NEK5: variants seen among roughly 807,000 people sequenced by gnomAD.
The protein encoded by NEK5 is NIMA related kinase 5.
Under a neutral mutation model 109.2 loss-of-function variants are expected in NEK5, and 88 were observed. The observed-to-expected ratio is 0.81, with a 90% CI of 0.68 to 0.96. The LOEUF (loss-of-function observed/expected upper bound fraction) is 0.96, where lower values mean the gene tolerates loss of function less well. Among genes scored for constraint, NEK5 ranks in the 40% least tolerant of loss-of-function variants. The pLI is 0.00. For synonymous variants in NEK5, 283 were observed against 299.9 expected, an observed-to-expected ratio of 0.94 and a Z score of 0.58; for missense variants, 834 against 920.7, an observed-to-expected ratio of 0.91 and a Z score of 1.22.
At position 52,112,322 on chromosome 13, in the gene NEK5, C is replaced by A; in HGVS notation, c.258G>T (p.Gly86=). The change falls in exon 5 of 24, where the codon GGG becomes GGT. Residue 86 remains glycine, a synonymous_variant. Transcript: ENST00000684899. The part of the protein sequence containing the change: ...LFIVMEYCDG[G]DLMKRINRQR... Reference sequence around the variant, plus strand: ...GTCTATTGATCCTTTTCATGAGATCCCCTCCATCACAATATTCCATTACAA... The same window carrying A: ...GTCTATTGATCCTTTTCATGAGATCACCTCCATCACAATATTCCATTACAA... The A allele has an allele frequency of 6.2e-7, 1 of 1,611,010 alleles. No individual in the cohort carries two copies. The highest frequency in any genetic ancestry group is 1.1e-5 in the South Asian group (1 of 90,906).
chr13:52,086,596 A>G (rs1441045086), intron 15 of NEK5, among the ~76,000 whole-genome samples: 3 of 152,192 alleles, frequency 2.0e-5, no homozygotes, highest in African/African-American at 7.2e-5. Context: ...TGTGTTCATG[A>G]TGTACACTTA....
At position 52,127,443 on chromosome 13, in the gene NEK5, C is replaced by G. The variant is rs1285036579; in HGVS notation, c.40G>C (p.Ala14Pro). Residue 14 changes from alanine (A) to proline (P), a missense_variant, in exon 3 of 24, where the codon GCC becomes CCC. Transcript: ENST00000684899. ...YDVIKAIGQGAFGKAYLAKGK... is the reference protein window; with the variant it reads ...YDVIKAIGQGPFGKAYLAKGK... ...TTAGCTAAGTATGCTTTCCCGAAGG[C>G]ACCTTGCCCGATGGCCTTAATCACA... 1 of 1,612,806 alleles carries G rather than the reference C, an allele frequency of 6.2e-7. No individual in the cohort carries two copies.
chr13:52,060,197 AT>A lies in NEK5; in HGVS notation c.2110+1621del, dbSNP rs1341623361. ...GGCTTCATACTTCAGAGAAACAAAG[AT>A]ACTTAGATGTGTTAATAAAATGTCC... On this transcript the variant is annotated intron_variant, in intron 22 of 23. Coordinates refer to ENST00000684899, the MANE Select transcript of NEK5 (RefSeq NM_001365552.1). 3.9e-5 allele frequency among the ~76,000 whole-genome samples: 6 copies of A among 152,138 alleles called. No homozygotes were observed. The South Asian group carries it at 1.0e-3, about 26-fold the overall frequency.
intron 13 of NEK5, among the ~76,000 whole-genome samples, chr13:52,092,475 A>G (rs1955307010): frequency 6.6e-6 from 1 of 152,150 alleles, no homozygotes. Context: ...CTGTAGTCCC[A>G]GCACTTTAGG....
At chr13:52,113,820 G>A (rs953547254) in intron 4 of NEK5, among the ~76,000 whole-genome samples, 2 of 152,094 alleles carry the variant, frequency 1.3e-5, no homozygotes, top group Non-Finnish European at 2.9e-5. Context: ...TCATGAGGGT[G>A]GAGCCCACAT....
At chr13:52,055,116 A>G (rs1954542725) in intron 22 of NEK5, among the ~76,000 whole-genome samples, 1 of 152,108 alleles carries the variant, frequency 6.6e-6, no homozygotes, top group Admixed American at 6.5e-5. Context: ...GAGCTGATGG[A>G]GCTGAAAACC....
At chr13:52,109,490 C>CT (rs1265136669) in intron 7 of NEK5, among the ~76,000 whole-genome samples, 1 of 152,082 alleles carries the variant, frequency 6.6e-6, no homozygotes, top group Non-Finnish European at 1.5e-5. Flanking sequence ...TGAAATAGTC[C>CT]TGCAAAGGTA....
At position 52,099,727 on chromosome 13, in the gene NEK5, G is replaced by A; in HGVS notation, c.1026+16C>T. On this transcript the variant is annotated intron_variant, in intron 12 of 23. Coordinates refer to ENST00000684899, the MANE Select transcript of NEK5 (RefSeq NM_001365552.1). ...CCATAGCTAAAAAACACAAAGGAGG[G>A]TTTAGAATGACTTACAGATCTGGCC... The A allele has an allele frequency of 6.2e-7, 1 of 1,610,572 alleles. No individual in the cohort carries two copies. The highest frequency in any genetic ancestry group is 1.3e-5 in the African/African-American group (1 of 74,866).
At chr13:52,044,183 C>T (rs562534865) in intron 23 of NEK5, among the ~76,000 whole-genome samples, 4 of 152,190 alleles carry the variant, frequency 2.6e-5, no homozygotes, top group Admixed American at 1.3e-4. Flanking sequence ...CCAAGTTCTT[C>T]GGTTTTGAAT....
intron 16 of NEK5, among the ~76,000 whole-genome samples, chr13:52,084,399 T>C (rs1955075669): frequency 6.6e-6 from 1 of 152,074 alleles, no homozygotes; most frequent in African/African-American, 2.4e-5. Context: ...TTAAATTTTT[T>C]GTACATATGG....
Position 52,102,164 on chromosome 13 carries a change from G to C in NEK5, c.738C>G (p.Asp246Glu), listed in dbSNP as rs1426046232. Residue 246 changes from aspartate to glutamate, a missense_variant, in exon 10 of 24, where the codon GAC (aspartate) becomes GAG (glutamate). Asp to Glu is a conservative substitution (Grantham distance 45, BLOSUM62 2). Around this residue, in one of 2 missense-constraint regions of NEK5, gnomAD observed 777 missense variants for 824.7 expected, o/e 0.94. Coordinates refer to ENST00000684899, the MANE Select transcript of NEK5 (RefSeq NM_001365552.1). ...ISQLFQVSPR[D>E]RPSINSILKR... ...TCAAAATGGAATTTATGGATGGTCG[G>C]TCTCGAGGAGATACTTGAAAGAGCT... 1 of 1,613,736 alleles carries C rather than the reference G, an allele frequency of 6.2e-7. No homozygotes were observed. The highest frequency in any genetic ancestry group is 8.5e-7 in the Non-Finnish European group (1 of 1,179,820).
At chr13:52,082,399 C>T in intron 17 of NEK5, 1 of 1,136,610 alleles carries the variant, frequency 8.8e-7, no homozygotes, top group Non-Finnish European at 1.1e-6. Flanking sequence ...CACACTTGGG[C>T]TTCTTATTCG....
At chr13:52,124,700 G>A (rs1402315100) in intron 3 of NEK5, among the ~76,000 whole-genome samples, 2 of 152,130 alleles carry the variant, frequency 1.3e-5, no homozygotes, top group African/African-American at 4.8e-5. Context: ...ACACCATTAA[G>A]TCAATACTTG....
chr13:52,080,272 G>C (rs1036849030), intron 17 of NEK5, among the ~76,000 whole-genome samples: 3 of 142,836 alleles, frequency 2.1e-5, no homozygotes, highest in African/African-American at 5.0e-5. Context: ...AGGTGGGGGG[G>C]GGTCAGCCCC....
chr13:52,076,136 T>C lies in NEK5; in HGVS notation c.1580A>G (p.Glu527Gly). ...AAGCCTCATTTGTTTCAAGTCTTTT[T>C]CAATGTCCTGAAAATTTAGAGAAAA... ...SEGEAPVQDIEKDLKQMRLQN... is the reference protein window; with the variant it reads ...SEGEAPVQDIGKDLKQMRLQN... The change falls in exon 18 of 24, where the codon GAA becomes GGA. Residue 527 changes from glutamate (E) to glycine (G), a missense_variant. Glu to Gly is a moderately conservative substitution (Grantham distance 98). This residue lies in a region of NEK5 where 777 missense variants were observed against 824.7 expected (regional missense o/e 0.94). Coordinates refer to ENST00000684899, the MANE Select transcript of NEK5 (RefSeq NM_001365552.1). 1.3e-6 allele frequency: 2 copies of C among 1,580,264 alleles called. No homozygotes were observed. The highest frequency in any genetic ancestry group is 2.3e-5 in the East Asian group (1 of 44,354).
At chr13:52,106,323 A>G (rs944423757) in intron 8 of NEK5, among the ~76,000 whole-genome samples, 1 of 152,184 alleles carries the variant, frequency 6.6e-6, no homozygotes, top group African/African-American at 2.4e-5. Flanking sequence ...TTTTTCCTAA[A>G]CAAAAGGACA....
At chr13:52,086,173 A>C in intron 16 of NEK5, 104 bp downstream of exon 16, 1 of 813,496 alleles carries the variant, frequency 1.2e-6, no homozygotes. Context: ...TCTCTATGAT[A>C]AAACTTTATC....
intron 16 of NEK5, among the ~76,000 whole-genome samples, chr13:52,085,863 C>T (rs1442821705): frequency 1.3e-5 from 2 of 152,178 alleles, no homozygotes; most frequent in Admixed American, 1.3e-4. Context: ...GAACCTTACC[C>T]TGCAGAGAGT....
Position 52,101,917 on chromosome 13 carries a change from C to A in NEK5, c.892+16G>T, listed in dbSNP as rs748574217. ...TGTAATAAATACTTTTGATTGCATG[C>A]CAAAGTCACACTTACTCTGGACCAC... On this transcript the variant is annotated intron_variant, in intron 11 of 23. Coordinates refer to ENST00000684899, the MANE Select transcript of NEK5 (RefSeq NM_001365552.1). 7 of 1,605,904 alleles carry A rather than the reference C, an allele frequency of 4.4e-6. No individual in the cohort carries two copies. In the Admixed American group the frequency reaches 8.3e-5, roughly 19 times the overall value.
Sources: allele counts gnomAD v4.1 joint callset (sites outside exome capture counted in the v4.1 genomes callset), GRCh38; gene constraint gnomAD v4.1.1; regional missense constraint gnomAD v4.1.1; transcripts MANE v1.5; gene names NCBI Gene and HGNC (gene_info 2026-07-23, HGNC 2026-07-21).